TENM2: variants seen among roughly 807,000 people sequenced by gnomAD.
TENM2 encodes the protein teneurin transmembrane protein 2, also known as teneurin-2.
Under a neutral mutation model 245.2 loss-of-function variants are expected in TENM2, and 52 were observed. The observed-to-expected ratio is 0.21, with a 90% CI of 0.17 to 0.27. The LOEUF is 0.27. TENM2 is among the 10% of genes least tolerant of loss of function. The pLI is 1.00. For missense variants in TENM2, 3,046 were observed against 3,666.8 expected, an observed-to-expected ratio of 0.83 and a Z score of 4.37; for synonymous variants, 1,363 against 1,438.9, an observed-to-expected ratio of 0.95 and a Z score of 1.19.
At chr5:167,918,412 G>T (rs895144005) in intron 3 of TENM2, among the ~76,000 whole-genome samples, 2 of 152,152 alleles carry the variant, frequency 1.3e-5, no homozygotes, top group African/African-American at 4.8e-5. Flanking sequence ...CTGGGAGGAC[G>T]GTGGGACACG....
At chr5:167,265,806 A>G in the TENM2 span, among the ~76,000 whole-genome samples, 1 of 152,200 alleles carries the variant, frequency 6.6e-6, no homozygotes. Context: ...ACCAGAAGAC[A>G]GTTAATCTTA....
At chr5:167,029,156 A>G in the TENM2 span, among the ~76,000 whole-genome samples, 1 of 152,180 alleles carries the variant, frequency 6.6e-6, no homozygotes, top group African/African-American at 2.4e-5. Context: ...TGGCTTATAT[A>G]TCCTGGGTAT....
chr5:167,726,485 G>T (rs1306548376), intron 2 of TENM2, among the ~76,000 whole-genome samples: 1 of 151,918 alleles, frequency 6.6e-6, no homozygotes, highest in East Asian at 1.9e-4. Flanking sequence ...TTAGAGACAG[G>T]GTCTTACTCT....
At chr5:167,423,553 C>T (rs1050968254) in intron 2 of TENM2, among the ~76,000 whole-genome samples, 2 of 151,986 alleles carry the variant, frequency 1.3e-5, no homozygotes, top group African/African-American at 4.8e-5. Context: ...ATTGATGTGC[C>T]TAGCATTAAA....
the TENM2 span, among the ~76,000 whole-genome samples, chr5:166,982,783 G>GT: frequency 5.4e-5 from 8 of 147,332 alleles, no homozygotes; most frequent in African/African-American, 1.0e-4. Flanking sequence ...ATATATATAT[G>GT]TTTTTTTTGG....
At chr5:167,253,283 A>G in the TENM2 span, among the ~76,000 whole-genome samples, 1 of 148,028 alleles carries the variant, frequency 6.8e-6, no homozygotes, top group Non-Finnish European at 1.5e-5. Flanking sequence ...TTTTTCATAC[A>G]GATAGGCTTT....
intron 27 of TENM2, among the ~76,000 whole-genome samples, chr5:168,251,785 G>GT (rs1487003009): frequency 6.6e-6 from 1 of 152,214 alleles, no homozygotes; most frequent in Non-Finnish European, 1.5e-5. Flanking sequence ...AATGGTGGCT[G>GT]TTTGGAGACA....
At chr5:167,713,982 C>T (rs1759084476) in intron 2 of TENM2, among the ~76,000 whole-genome samples, 1 of 152,150 alleles carries the variant, frequency 6.6e-6, no homozygotes, top group Non-Finnish European at 1.5e-5. Context: ...TCCTGTGTGC[C>T]AGCTATGGAA....
chr5:167,568,118 G>A (rs1440511489), intron 2 of TENM2, among the ~76,000 whole-genome samples: 1 of 152,062 alleles, frequency 6.6e-6, no homozygotes, highest in Non-Finnish European at 1.5e-5. Context: ...TCCAAAGGCA[G>A]GACAAGATTA....
the TENM2 span, among the ~76,000 whole-genome samples, chr5:167,132,606 A>G: frequency 3.3e-5 from 5 of 152,154 alleles, no homozygotes; most frequent in African/African-American, 1.2e-4. Context: ...AGTCCTCCCC[A>G]ATCCCCTGCA....
chr5:167,638,315 C>G (rs1483085355), intron 2 of TENM2, among the ~76,000 whole-genome samples: 1 of 152,186 alleles, frequency 6.6e-6, no homozygotes, highest in Non-Finnish European at 1.5e-5. Flanking sequence ...CAAAGGACAT[C>G]ACCTAGGCAC....
chr5:167,148,286 C>A, the TENM2 span, among the ~76,000 whole-genome samples: 1 of 152,162 alleles, frequency 6.6e-6, no homozygotes, highest in African/African-American at 2.4e-5. Flanking sequence ...AATGTGCATA[C>A]TTTTTCCCCT....
At chr5:168,262,362 C>T (rs748867303) in exon 29 of TENM2, 1 of 1,604,564 alleles carries the variant, frequency 6.2e-7, no homozygotes. Context: ...AAGATTGGCT[C>T]AGCCGATGGC....
At chr5:168,062,027 T>A in intron 6 of TENM2, 33 bp from the exon 9 acceptor site, 4 of 1,565,890 alleles carry the variant, frequency 2.6e-6, no homozygotes, top group Non-Finnish European at 3.5e-6. Flanking sequence ...ATACACGTCA[T>A]TGACTGCTGT....
chr5:167,892,216 GA>G (rs977034869), intron 3 of TENM2, among the ~76,000 whole-genome samples: 10 of 152,100 alleles, frequency 6.6e-5, no homozygotes, highest in African/African-American at 2.2e-4. Context: ...AATTAAACTT[GA>G]AAAAATTATT....
chr5:168,225,220 T>C (rs1764048729), intron 23 of TENM2, among the ~76,000 whole-genome samples: 1 of 152,156 alleles, frequency 6.6e-6, no homozygotes, highest in Non-Finnish European at 1.5e-5. Flanking sequence ...CCAGGCCTTC[T>C]ATGCTGAGCC....
At chr5:167,144,917 C>T in the TENM2 span, among the ~76,000 whole-genome samples, 2 of 152,174 alleles carry the variant, frequency 1.3e-5, no homozygotes, top group Non-Finnish European at 2.9e-5. Flanking sequence ...AAAGTGTTGA[C>T]GTGGCTTTTT....
At chr5:167,688,829 G>A (rs1485716442) in intron 2 of TENM2, among the ~76,000 whole-genome samples, 1 of 152,122 alleles carries the variant, frequency 6.6e-6, no homozygotes, top group African/African-American at 2.4e-5. Context: ...TCTCAGGCTG[G>A]GTGATTTTAT....
intron 3 of TENM2, among the ~76,000 whole-genome samples, chr5:167,926,059 G>A (rs1052869936): frequency 2.6e-5 from 4 of 152,062 alleles, no homozygotes; most frequent in East Asian, 1.9e-4. Flanking sequence ...CCCAAGACAC[G>A]TGTTTACCTA....
Sources: allele counts gnomAD v4.1 joint callset (sites outside exome capture counted in the v4.1 genomes callset), GRCh38; gene constraint gnomAD v4.1.1; transcripts MANE v1.5; gene names NCBI Gene and HGNC (gene_info 2026-07-23, HGNC 2026-07-21).